COL19A1: variants seen among roughly 807,000 people sequenced by gnomAD.
COL19A1 encodes collagen alpha-1(XIX) chain.
A neutral mutation model predicts 190.2 loss-of-function variants in COL19A1; 159 were observed. That is an observed-to-expected ratio of 0.84 (90% confidence interval 0.73 to 0.95). COL19A1 has a LOEUF of 0.95. Among genes scored for constraint, COL19A1 ranks in the 40% least tolerant of loss-of-function variants. The pLI, the probability that COL19A1 is intolerant of heterozygous loss-of-function variation, is 0.00. For missense variants in COL19A1, 1,418 were observed against 1,431.9 expected (o/e 0.99, Z 0.16); for synonymous variants, 509 against 458.9 (o/e 1.11, Z -1.39).
In COL19A1 at chr6:70,095,258, AT is replaced by A. The variant is rs563941131; in HGVS notation, c.1225-6903del. Among the ~76,000 whole-genome samples, 358 of 152,048 alleles carry A rather than the reference AT, an allele frequency of 2.4e-3. 4 individuals are homozygous for A. The highest frequency in any genetic ancestry group is 8.1e-3 in the African/African-American group (337 of 41,490). On this transcript the variant is annotated intron_variant, in intron 15 of 50. Coordinates refer to ENST00000620364, the MANE Select transcript of COL19A1 (RefSeq NM_001858.6). ...CTTTTCCATTGTATGAATAAACCAC[AT>A]TTTTTTTATTTCTACCTCTAATGGG...
At chr6:70,190,116 A>G (rs1224344687) in intron 47 of COL19A1, among the ~76,000 whole-genome samples, 199 bp from the exon 48 acceptor site, 1 of 152,246 alleles carries the variant, frequency 6.6e-6, no homozygotes, top group Non-Finnish European at 1.5e-5. Flanking sequence ...TTTTAAAGCA[A>G]TTACACACTT....
chr6:69,921,395 C>CATATATCATATATATCAT (rs1554166192), intron 4 of COL19A1, among the ~76,000 whole-genome samples: 11 of 80,360 alleles, frequency 1.4e-4, no homozygotes, highest in South Asian at 3.7e-4. Context: ...TCATATATAT[C>CATATATCATATATATCAT]ATATATCATA....
chr6:70,176,524 A>G lies in COL19A1; in HGVS notation c.2627A>G (p.Asp876Gly). Residue 876 changes from aspartate (D) to glycine (G), a missense_variant, in exon 42 of 51, where the codon GAT becomes GGT. Transcript: ENST00000620364. ...AATGTTTTTAAATCCCAACAGGGAGATCGAGGCCCAGCAGGTCCCCCAGGA... is the reference window on the plus strand; with the variant it reads ...AATGTTTTTAAATCCCAACAGGGAGGTCGAGGCCCAGCAGGTCCCCCAGGA... ...GLEGFPGVKG[D>G]RGPAGPPGIA... The G allele has an allele frequency of 6.2e-7, 1 of 1,613,700 alleles. No homozygotes were observed.
At chr6:70,165,167 C>G (rs1382867688) in intron 36 of COL19A1, among the ~76,000 whole-genome samples, 3 of 152,178 alleles carry the variant, frequency 2.0e-5, no homozygotes, top group African/African-American at 7.2e-5. Context: ...ATAGGAAGAA[C>G]TGCTGAGAGA....
chr6:69,894,819 GC>G lies in COL19A1; in HGVS notation c.92-4127del, dbSNP rs1769604249. ...CAGACATGCAAAGCACACCAGATTG[GC>G]CACAGCCCAAGACTAGCCCCACAAA... is the stretch of plus-strand genomic sequence containing the variant. On this transcript the variant is annotated intron_variant, in intron 2 of 50. Coordinates refer to ENST00000620364, the MANE Select transcript of COL19A1 (RefSeq NM_001858.6). Among the ~76,000 whole-genome samples, 6 of 152,142 alleles carry G rather than the reference GC, an allele frequency of 3.9e-5. No individual in the cohort carries two copies. The South Asian group carries it at 1.2e-3, about 31-fold the overall frequency.
intron 14 of COL19A1, among the ~76,000 whole-genome samples, chr6:70,044,292 G>A (rs576379682): frequency 6.6e-6 from 1 of 152,272 alleles, no homozygotes; most frequent in East Asian, 1.9e-4. Flanking sequence ...TCAGCAATAT[G>A]GCTGTTTTGC....
At chr6:70,020,065 C>T (rs1229457495) in intron 11 of COL19A1, among the ~76,000 whole-genome samples, 1 of 151,944 alleles carries the variant, frequency 6.6e-6, no homozygotes, top group Non-Finnish European at 1.5e-5. Flanking sequence ...TTCTTCTAGT[C>T]CCAGTATATA....
intron 4 of COL19A1, among the ~76,000 whole-genome samples, chr6:69,907,823 A>G (rs1293086391): frequency 6.6e-6 from 1 of 152,226 alleles, no homozygotes; most frequent in East Asian, 1.9e-4. Context: ...CCTTTTACTC[A>G]GCAAGCATTT....
At chr6:70,033,598 C>G (rs985467766) in intron 12 of COL19A1, among the ~76,000 whole-genome samples, 4 of 151,970 alleles carry the variant, frequency 2.6e-5, no homozygotes, top group African/African-American at 9.7e-5. Context: ...AACTAAATAC[C>G]CATTAAAACA....
Position 70,208,637 on chromosome 6 carries a change from GA to G in COL19A1, c.*1364del, listed in dbSNP as rs1768025463. 2.6e-5 allele frequency: 4 copies of G among 152,672 alleles called. No homozygotes were observed. The highest frequency in any genetic ancestry group is 6.5e-5 in the Admixed American group (1 of 15,282). 9.5% of individuals were successfully genotyped at this position (152,672 alleles called of 1,614,324 possible). On this transcript the variant is annotated 3_prime_UTR_variant, in exon 51 of 51. Transcript: ENST00000620364. ...TCTAGATGGTGGGTCCCACAGATGTGAGAACATGCTGCAAGAGCCTGCCAGC... is the reference window on the plus strand; with the variant it reads ...TCTAGATGGTGGGTCCCACAGATGTGGAACATGCTGCAAGAGCCTGCCAGC...
At chr6:70,098,381 T>C (rs1783415744) in intron 15 of COL19A1, 1 of 503,622 alleles carries the variant, frequency 2.0e-6, no homozygotes, top group African/African-American at 1.9e-5. Flanking sequence ...GACTAATCAT[T>C]GAAATTCTTA....
intron 10 of COL19A1, among the ~76,000 whole-genome samples, chr6:69,961,547 A>G (rs1414441836): frequency 6.6e-6 from 1 of 152,210 alleles, no homozygotes; most frequent in Non-Finnish European, 1.5e-5. Flanking sequence ...GCTTGAATTA[A>G]CAGATCAAGT....
chr6:70,026,284 C>T (rs1382690359), intron 12 of COL19A1, among the ~76,000 whole-genome samples: 1 of 152,086 alleles, frequency 6.6e-6, no homozygotes, highest in Non-Finnish European at 1.5e-5. Flanking sequence ...CTACTATATT[C>T]CCAAACTCTC....
At chr6:70,040,705 T>C (rs977665355) in intron 14 of COL19A1, among the ~76,000 whole-genome samples, 1 of 151,948 alleles carries the variant, frequency 6.6e-6, no homozygotes, top group Non-Finnish European at 1.5e-5. Flanking sequence ...GGAAAAAAAA[T>C]AATAAGAGAA....
chr6:70,010,256 C>A (rs923217319), intron 11 of COL19A1, among the ~76,000 whole-genome samples: 1 of 152,088 alleles, frequency 6.6e-6, no homozygotes, highest in Admixed American at 6.5e-5. Context: ...TAATAGCACT[C>A]CACACGAAAG....
At chr6:69,955,502 C>T (rs1774358616) in intron 9 of COL19A1, among the ~76,000 whole-genome samples, 1 of 149,126 alleles carries the variant, frequency 6.7e-6, no homozygotes, top group African/African-American at 2.5e-5. Flanking sequence ...AAGTACAAAA[C>T]TGTATAGTAG....
rs200468204 is a variant in COL19A1, at chr6:69,996,916, T to TTGTGTGTG, written c.1027-26695_1027-26688dup. ...TACATAATCTCTCTCTCAAAAAGAC[T>TTGTGTGTG]TGTGTGTGTGTGTGTGTGTGTGTAT... On this transcript the variant is annotated intron_variant, in intron 11 of 50. Coordinates refer to ENST00000620364, the MANE Select transcript of COL19A1 (RefSeq NM_001858.6). Among the ~76,000 whole-genome samples the TTGTGTGTG allele has an allele frequency of 2.9e-3, 429 of 146,108 alleles. 3 individuals carry two copies. Among genetic ancestry groups the TTGTGTGTG allele is most frequent in the African/African-American group, 0.01 (407 of 39,704 alleles).
chr6:70,199,069 T>C (rs1412059274), intron 48 of COL19A1, among the ~76,000 whole-genome samples: 1 of 152,206 alleles, frequency 6.6e-6, no homozygotes, highest in Non-Finnish European at 1.5e-5. Context: ...CACGATGTCT[T>C]TTATGACCTC....
intron 49 of COL19A1, among the ~76,000 whole-genome samples, chr6:70,203,295 G>A (rs187235210): frequency 2.0e-5 from 3 of 152,234 alleles, no homozygotes; most frequent in East Asian, 1.9e-4. Flanking sequence ...TACATCCATC[G>A]CATGCACCCT....
Sources: allele counts gnomAD v4.1 joint callset (sites outside exome capture counted in the v4.1 genomes callset), GRCh38; gene constraint gnomAD v4.1.1; transcripts MANE v1.5; gene names NCBI Gene and HGNC (gene_info 2026-07-23, HGNC 2026-07-21).